Variants in CHID1 observed in about 807,000 individuals in gnomAD.
The protein encoded by CHID1 is chitinase domain-containing protein 1.
A neutral mutation model predicts 55.4 loss-of-function variants in CHID1; 44 were observed. The observed-to-expected ratio is 0.79, with a 90% confidence interval of 0.62 to 1.02. The LOEUF (loss-of-function observed/expected upper bound fraction) is 1.02. Ranked by LOEUF, CHID1 falls within the 50% of genes least tolerant of loss-of-function variation. The pLI, the probability that CHID1 is intolerant of heterozygous loss-of-function variation, is 0.00. For missense variants in CHID1, 491 were observed against 515.3 expected, an observed-to-expected ratio of 0.95 and a Z score of 0.46; for synonymous variants, 216 against 212.9, an observed-to-expected ratio of 1.01 and a Z score of -0.13.
At chr11:897,573 C>G (rs1851463608) in intron 7 of CHID1, among the ~76,000 whole-genome samples, 1 of 152,212 alleles carries the variant, frequency 6.6e-6, no homozygotes, top group African/African-American at 2.4e-5. Flanking sequence ...AACGCAGGCA[C>G]CTGATCCTCC....
rs1312772296 is a variant in CHID1, at chr11:875,295, G to A, written c.960-4796C>T. Among the ~76,000 whole-genome samples, 2 of 152,078 alleles carry A rather than the reference G, an allele frequency of 1.3e-5. No homozygotes were observed. The highest frequency in any genetic ancestry group is 2.9e-5 in the Non-Finnish European group (2 of 67,996). On this transcript the variant is annotated intron_variant, in intron 10 of 12. Coordinates refer to ENST00000323578, the MANE Select transcript of CHID1 (RefSeq NM_023947.4). This position sits in a 1 kb window ranked among gnomAD's most constrained non-coding sequence, Gnocchi z 4.7. ...CCTCGGTGGGTGGCCATCCTTCTTC[G>A]GGGCTGTCCTGTCTGAAATGTGGGA...
At position 875,257 on chromosome 11, in the gene CHID1, A is replaced by G. The variant is rs1849430964; in HGVS notation, c.960-4758T>C. Among the ~76,000 whole-genome samples the G allele has an allele frequency of 6.6e-6, 1 of 152,072 alleles. No individual in the cohort carries two copies. Among genetic ancestry groups the G allele is most frequent in the Non-Finnish European group, 1.5e-5 (1 of 67,990 alleles). Reference sequence around the variant, plus strand: ...AGTTGCCTCTCAGAGCTTGAGTTCAACCAGACAGCCCTCCTCGGTGGGTGG... The same window carrying G: ...AGTTGCCTCTCAGAGCTTGAGTTCAGCCAGACAGCCCTCCTCGGTGGGTGG... On this transcript the variant is annotated intron_variant, in intron 10 of 12. Transcript: ENST00000323578. This position sits in a 1 kb window ranked among gnomAD's most constrained non-coding sequence, Gnocchi z 4.7.
At chr11:882,919 G>A (rs570888077) in intron 10 of CHID1, 14 of 492,338 alleles carry the variant, frequency 2.8e-5, no homozygotes, top group African/African-American at 1.4e-4. Flanking sequence ...CGCAGATGTG[G>A]GGACAGCCTC....
At chr11:883,343 G>A (rs373302892) in intron 9 of CHID1, 40 bp from the exon 10 acceptor site, 131 of 1,584,984 alleles carry the variant, frequency 8.3e-5, no homozygotes, top group Non-Finnish European at 9.9e-5. Context: ...CAACAGGGAG[G>A]GCCCCGCACC....
intron 10 of CHID1, among the ~76,000 whole-genome samples, chr11:879,614 C>T (rs1038930935): frequency 7.9e-6 from 1 of 126,548 alleles, no homozygotes; most frequent in African/African-American, 3.1e-5. Flanking sequence ...CTCCCACCTC[C>T]AGCCCCCAGG....
intron 10 of CHID1, 153 bp from the exon 11 acceptor site, chr11:870,652 C>CGCT: frequency 3.2e-6 from 2 of 619,602 alleles, no homozygotes; most frequent in Admixed American, 5.4e-5. Context: ...GTGGGGTGGC[C>CGCT]AGAGCCCCAG....
In CHID1 at chr11:904,649, G is replaced by A. The variant is rs143074668; in HGVS notation, c.111+57C>T. On this transcript the variant is annotated intron_variant, in intron 2 of 12. Coordinates refer to ENST00000323578, the MANE Select transcript of CHID1 (RefSeq NM_023947.4). ...AGGCCCCAGTGGACAGAAAGAAGAG[G>A]ATGATGGATCAGCCCTCAGCCAGTA... 4.1e-4 allele frequency: 656 copies of A among 1,598,852 alleles called. 4 individuals carry two copies. In the African/African-American group the frequency reaches 7.9e-3, roughly 19 times the overall value.
chr11:907,264 G>A (rs1255128349), intron 1 of CHID1, among the ~76,000 whole-genome samples: 6 of 152,102 alleles, frequency 3.9e-5, no homozygotes, highest in East Asian at 1.9e-4. Flanking sequence ...GGCAGATCAC[G>A]AGGTCAGGAG....
intron 3 of CHID1, among the ~76,000 whole-genome samples, 185 bp downstream of exon 3, chr11:902,777 C>T (rs1851915972): frequency 6.6e-6 from 1 of 152,186 alleles, no homozygotes; most frequent in Admixed American, 6.5e-5. Flanking sequence ...GAGAGACCCC[C>T]AGGGTCTTAC....
At chr11:903,499 C>T (rs1042786370) in intron 2 of CHID1, among the ~76,000 whole-genome samples, 10 of 152,188 alleles carry the variant, frequency 6.6e-5, no homozygotes, top group South Asian at 2.1e-4. Flanking sequence ...ATGCCAGGTG[C>T]GCTGGGTGCA....
chr11:891,938 CAAAAAAA>C (rs57065345), intron 8 of CHID1, among the ~76,000 whole-genome samples: 119 of 102,918 alleles, frequency 1.2e-3, no homozygotes, highest in Middle Eastern at 0.012. Context: ...ACCTCATTTC[CAAAAAAA>C]AAAAAAAAAA....
intron 10 of CHID1, among the ~76,000 whole-genome samples, chr11:873,641 G>A (rs1260046068): frequency 2.0e-5 from 3 of 152,136 alleles, no homozygotes; most frequent in Non-Finnish European, 1.5e-5. Flanking sequence ...GGACAGCTCG[G>A]CCTCACAGAA....
intron 10 of CHID1, among the ~76,000 whole-genome samples, chr11:876,873 G>A (rs1040085020): frequency 6.6e-6 from 1 of 152,200 alleles, no homozygotes; most frequent in Non-Finnish European, 1.5e-5. Context: ...CCCAGGATGG[G>A]ACGTGGGGAC....
intron 10 of CHID1, among the ~76,000 whole-genome samples, chr11:882,108 T>C (rs1183140843): frequency 3.3e-5 from 5 of 151,856 alleles, no homozygotes; most frequent in Non-Finnish European, 5.9e-5. Flanking sequence ...GGGCGGATCA[T>C]GAGGTCAGGA....
intron 10 of CHID1, among the ~76,000 whole-genome samples, chr11:879,095 C>G (rs1050945421): frequency 6.6e-6 from 1 of 152,228 alleles, no homozygotes; most frequent in African/African-American, 2.4e-5. Flanking sequence ...ATCCGCCCAC[C>G]TCGGCCTCCC....
intron 8 of CHID1, among the ~76,000 whole-genome samples, chr11:886,273 A>G (rs1023934337): frequency 6.6e-6 from 1 of 151,356 alleles, no homozygotes; most frequent in African/African-American, 2.4e-5. Flanking sequence ...CAGCCTGGGG[A>G]ACACAGCAAG....
intron 9 of CHID1, 41 bp downstream of exon 9, chr11:884,027 G>C: frequency 6.8e-7 from 1 of 1,470,302 alleles, no homozygotes; most frequent in Non-Finnish European, 9.5e-7. Flanking sequence ...GCTGCACTGT[G>C]GAGTTTGCTG....
chr11:902,846 C>T (rs540660056), intron 3 of CHID1, 116 bp downstream of exon 3: 29 of 967,580 alleles, frequency 3.0e-5, no homozygotes, highest in African/African-American at 6.5e-5. Context: ...GCAGCAGCTC[C>T]GGGAGATCAG....
upstream of CHID1, chr11:914,296 C>T (rs1852837287): frequency 4.5e-6 from 1 of 221,614 alleles, no homozygotes; most frequent in South Asian, 4.8e-5. Flanking sequence ...ATTCCCAGCC[C>T]TCCTTACCCG....
Sources: gnomAD v4.1 joint callset for allele counts (sites outside exome capture counted in the v4.1 genomes callset) on GRCh38, gnomAD v4.1.1 for gene constraint, Gnocchi (gnomAD v3.1) non-coding constraint, MANE v1.5 for transcripts, NCBI Gene and HGNC (gene_info 2026-07-23, HGNC 2026-07-21) for gene names.